The following FRAS1 variants were observed in gnomAD, a reference collection of about 807,000 sequenced individuals.
FRAS1 encodes the protein Fraser extracellular matrix complex subunit 1.
Under a neutral mutation model 435.2 loss-of-function variants are expected in FRAS1, and 290 were observed. The observed-to-expected ratio is 0.67, with a 90% CI of 0.61 to 0.73. The LOEUF is 0.73. FRAS1 is among the 30% of genes least tolerant of loss of function. The probability of loss-of-function intolerance (pLI) is 0.00; values close to 1 mark genes in which losing one functional copy is unlikely to be tolerated. For missense variants in FRAS1, 4,860 were observed against 5,001.5 expected, an observed-to-expected ratio of 0.97 and a Z score of 0.85; for synonymous variants, 1,800 against 1,851.0, an observed-to-expected ratio of 0.97 and a Z score of 0.71.
At chr4:78,328,133 C>G (rs1217082987) in intron 18 of FRAS1, among the ~76,000 whole-genome samples, 1 of 152,130 alleles carries the variant, frequency 6.6e-6, no homozygotes, top group Non-Finnish European at 1.5e-5. Flanking sequence ...GGCCCACAAG[C>G]CTTTCAACTT....
At chr4:78,118,741 G>T (rs1445593304) in intron 2 of FRAS1, among the ~76,000 whole-genome samples, 1 of 152,158 alleles carries the variant, frequency 6.6e-6, no homozygotes. Context: ...ACTAGGAAAG[G>T]GAATTCCCTG....
intron 29 of FRAS1, among the ~76,000 whole-genome samples, chr4:78,398,371 G>A (rs75722755): frequency 0.045 from 6,816 of 152,252 alleles, 523 homozygotes; most frequent in African/African-American, 0.15. Context: ...AAAGTCTGTG[G>A]TGGGACCTGA....
At chr4:78,246,286 G>A (rs1159682328) in intron 4 of FRAS1, among the ~76,000 whole-genome samples, 2 of 152,154 alleles carry the variant, frequency 1.3e-5, no homozygotes, top group Non-Finnish European at 1.5e-5. Flanking sequence ...ATTCAGGAGA[G>A]AGCATAGGTT....
chr4:78,198,784 C>A (rs1423590667), intron 2 of FRAS1, among the ~76,000 whole-genome samples: 1 of 152,112 alleles, frequency 6.6e-6, no homozygotes, highest in African/African-American at 2.4e-5. Context: ...AAGATGAGGA[C>A]CTTTATGATA....
chr4:78,446,913 ATT>A, intron 43 of FRAS1, 33 bp downstream of exon 43: 1 of 1,578,630 alleles, frequency 6.3e-7, no homozygotes, highest in Non-Finnish European at 8.6e-7. Flanking sequence ...AAGCTTCTTA[ATT>A]GAGATGCCCG....
intron 2 of FRAS1, among the ~76,000 whole-genome samples, chr4:78,138,962 T>G (rs1432673540): frequency 6.6e-6 from 1 of 152,248 alleles, no homozygotes; most frequent in Non-Finnish European, 1.5e-5. Context: ...TTCTCTTGCG[T>G]GTGTGTACAT....
intron 36 of FRAS1, 47 bp from the exon 37 acceptor site, chr4:78,430,245 T>G: frequency 6.2e-7 from 1 of 1,611,974 alleles, no homozygotes; most frequent in Non-Finnish European, 8.5e-7. Flanking sequence ...TCTATCGTCT[T>G]TAACATACGC....
chr4:78,477,916 G>T lies in FRAS1; in HGVS notation c.7953G>T (p.Met2651Ile), dbSNP rs1291748880. Reference protein sequence around the residue: ...NVESFTVELSMPAYALLGEFT... With the variant: ...NVESFTVELSIPAYALLGEFT... Reference sequence around the variant, plus strand: ...AGAGTTTCACTGTGGAGCTCAGCATGCCAGCTTATGCCCTGTTAGGGGAAT... The same window carrying T: ...AGAGTTTCACTGTGGAGCTCAGCATTCCAGCTTATGCCCTGTTAGGGGAAT... Residue 2651 changes from methionine (M) to isoleucine (I), a missense_variant, in exon 55 of 74, where the codon ATG becomes ATT. Physicochemically the swap from Met to Ile is conservative, Grantham distance 10. Coordinates refer to ENST00000512123, the MANE Select transcript of FRAS1 (RefSeq NM_025074.7). 1 of 1,613,500 alleles carries T rather than the reference G, an allele frequency of 6.2e-7. No individual in the cohort carries two copies. The highest frequency in any genetic ancestry group is 1.1e-5 in the South Asian group (1 of 90,924).
At position 78,169,553 on chromosome 4, in the gene FRAS1, G is replaced by A. The variant is rs555557035; in HGVS notation, c.109-67957G>A. On this transcript the variant is annotated intron_variant, in intron 2 of 73. Coordinates refer to ENST00000512123, the MANE Select transcript of FRAS1 (RefSeq NM_025074.7). ...TTGCATGAACATCACTAACCACAAC[G>A]TATAGCACATAGTAGGTGCCCATTA... Among the ~76,000 whole-genome samples the A allele has an allele frequency of 1.5e-4, 23 of 152,170 alleles. 1 individual carries two copies. In the South Asian group the frequency reaches 2.9e-3, roughly 19 times the overall value.
intron 64 of FRAS1, among the ~76,000 whole-genome samples, chr4:78,513,073 A>G (rs1482270706): frequency 6.6e-6 from 1 of 152,186 alleles, no homozygotes; most frequent in Non-Finnish European, 1.5e-5. Context: ...TCCTGAAATA[A>G]CAGAGTTTCC....
Position 78,237,509 on chromosome 4 carries a change from G to C in FRAS1, c.109-1G>C. 1 of 1,611,814 alleles carries C rather than the reference G, an allele frequency of 6.2e-7. No homozygotes were observed. Among genetic ancestry groups the C allele is most frequent in the Non-Finnish European group, 8.5e-7 (1 of 1,178,116 alleles). ...AAATCAGAGCTTATGCCTCTTTACA[G>C]GATGCCACAATTTGGAAGCCCGATT... On this transcript the variant is annotated splice_acceptor_variant, in intron 2 of 73. Transcript: ENST00000512123. LOFTEE classifies it high-confidence loss of function.
chr4:78,414,965 G>A (rs527869896), intron 32 of FRAS1, among the ~76,000 whole-genome samples: 66 of 152,322 alleles, frequency 4.3e-4, no homozygotes, highest in African/African-American at 1.3e-3. Context: ...GAGGGTCACA[G>A]AAGCTTCCTC....
intron 58 of FRAS1, among the ~76,000 whole-genome samples, chr4:78,485,501 A>C (rs137881411): frequency 1.3e-5 from 2 of 152,330 alleles, no homozygotes; most frequent in East Asian, 3.9e-4. Flanking sequence ...TATGTGTTTA[A>C]TCAATAACTT....
chr4:78,359,914 A>T (rs1389525245), intron 20 of FRAS1, among the ~76,000 whole-genome samples: 1 of 152,198 alleles, frequency 6.6e-6, no homozygotes, highest in Non-Finnish European at 1.5e-5. Flanking sequence ...CTTATGGCTT[A>T]ACATGGAGCT....
At position 78,393,069 on chromosome 4, in the gene FRAS1, C is replaced by A. The variant is rs556482803; in HGVS notation, c.3975+5368C>A. Among the ~76,000 whole-genome samples, 105 of 150,466 alleles carry A rather than the reference C, an allele frequency of 7.0e-4. 1 individual carries two copies. The Middle Eastern group carries it at 0.027, about 39-fold the overall frequency. ...GAGGAATGATTGACATGTAAAAAGC[C>A]GTACATATTTAATGTATACAACTTG... On this transcript the variant is annotated intron_variant, in intron 29 of 73. Transcript: ENST00000512123.
chr4:78,076,480 AT>A (rs777282107), intron 2 of FRAS1, among the ~76,000 whole-genome samples: 1 of 152,174 alleles, frequency 6.6e-6, no homozygotes, highest in East Asian at 1.9e-4. Flanking sequence ...TTGTATTAAA[AT>A]TTTTTGTTAA....
At chr4:78,408,694 GAGTTA>G (rs1733198038) in intron 31 of FRAS1, among the ~76,000 whole-genome samples, 1 of 152,154 alleles carries the variant, frequency 6.6e-6, no homozygotes, top group Non-Finnish European at 1.5e-5. Context: ...ATGATTTAAT[GAGTTA>G]ATACAGATAG....
intron 9 of FRAS1, among the ~76,000 whole-genome samples, chr4:78,269,052 A>G (rs12502886): frequency 1.3e-5 from 2 of 152,178 alleles, no homozygotes; most frequent in South Asian, 2.1e-4. Flanking sequence ...TAGAAACTCT[A>G]CCAGAATTGA....
intron 2 of FRAS1, among the ~76,000 whole-genome samples, chr4:78,088,365 T>G (rs184763805): frequency 0.061 from 9,342 of 152,192 alleles, 504 homozygotes; most frequent in East Asian, 0.33. Flanking sequence ...GACATAGGCA[T>G]GGGCAAGGAC....
Sources: allele counts gnomAD v4.1 joint callset (sites outside exome capture counted in the v4.1 genomes callset), GRCh38; gene constraint gnomAD v4.1.1; transcripts MANE v1.5; gene names NCBI Gene and HGNC (gene_info 2026-07-23, HGNC 2026-07-21).